The following PLXDC1 variants were observed in gnomAD, a reference collection of about 807,000 sequenced individuals.
PLXDC1 encodes plexin domain containing 1.
PLXDC1 carries 39 observed loss-of-function variants against 61.3 expected under a neutral mutation model. The observed-to-expected ratio is 0.64, with a 90% confidence interval of 0.49 to 0.83. The LOEUF is 0.83. PLXDC1 is among the 40% of genes least tolerant of loss of function. PLXDC1 has a pLI of 0.00. For missense variants in PLXDC1, 596 were observed against 666.5 expected, an observed-to-expected ratio of 0.89 and a Z score of 1.17; for synonymous variants, 212 against 254.5, an observed-to-expected ratio of 0.83 and a Z score of 1.59.
intron 2 of PLXDC1, among the ~76,000 whole-genome samples, chr17:39,126,232 T>A (rs1012570900): frequency 6.6e-6 from 1 of 151,986 alleles, no homozygotes; most frequent in Admixed American, 6.6e-5. Flanking sequence ...CCAGCCTGGG[T>A]GACAAGAGTG....
rs563720359 is a variant in PLXDC1, at chr17:39,097,395, G to T, written c.811+8459C>A. Among the ~76,000 whole-genome samples the T allele has an allele frequency of 1.6e-4, 25 of 152,234 alleles. No individual in the cohort carries two copies. In the South Asian group the frequency reaches 5.0e-3, roughly 30 times the overall value. ...CATTTGGGGTTTACTATTACCTGCA[G>T]CTCAACCTAATCCAAACAAATTCCC... is the stretch of plus-strand genomic sequence containing the variant. On this transcript the variant is annotated intron_variant, in intron 7 of 13. Coordinates refer to ENST00000315392, the MANE Select transcript of PLXDC1 (RefSeq NM_020405.5).
intron 1 of PLXDC1, chr17:39,144,866 T>C (rs919161166): frequency 6.6e-6 from 1 of 152,218 alleles, no homozygotes; most frequent in Non-Finnish European, 1.5e-5. Context: ...GTAATAAAAA[T>C]GATAGCTGAC....
chr17:39,068,325 C>T (rs1228604462), intron 13 of PLXDC1, among the ~76,000 whole-genome samples: 1 of 152,134 alleles, frequency 6.6e-6, no homozygotes, highest in African/African-American at 2.4e-5. Context: ...CTGAAAATGC[C>T]AAGATAACCC....
chr17:39,139,666 C>G lies in PLXDC1; in HGVS notation c.243G>C (p.Arg81Ser), dbSNP rs1911868123. The G allele has an allele frequency of 6.2e-7, 1 of 1,610,990 alleles. No individual in the cohort carries two copies. ...CTCCAGCACTCACCACCACCCTGGTCCTGTTATCTGGCAGCGTGTCCATGG... is the reference window on the plus strand; with the variant it reads ...CTCCAGCACTCACCACCACCCTGGTGCTGTTATCTGGCAGCGTGTCCATGG... Reference protein sequence around the residue: ...TLAMDTLPDNRTRVVEDNHSY... With the variant: ...TLAMDTLPDNSTRVVEDNHSY... Residue 81 changes from arginine to serine, a missense_variant, in exon 2 of 14, where the codon AGG becomes AGC. By Grantham distance (110) the Arg-to-Ser change is moderately radical. Transcript: ENST00000315392.
chr17:39,079,473 ACTG>A (rs1909470735), intron 9 of PLXDC1: 6 of 493,448 alleles, frequency 1.2e-5, no homozygotes, highest in Non-Finnish European at 2.4e-5. Flanking sequence ...CTGCCGTGAC[ACTG>A]CTGAGAATCC....
At chr17:39,100,089 G>A (rs1910367741) in intron 7 of PLXDC1, among the ~76,000 whole-genome samples, 1 of 152,182 alleles carries the variant, frequency 6.6e-6, no homozygotes, top group Non-Finnish European at 1.5e-5. Flanking sequence ...AGTTTACCAG[G>A]CAAGGAGCCA....
chr17:39,128,175 A>ATATATATG (rs1567769682), intron 2 of PLXDC1, among the ~76,000 whole-genome samples: 16 of 60,402 alleles, frequency 2.6e-4, no homozygotes, highest in Non-Finnish European at 4.8e-4. Flanking sequence ...ATATATATGT[A>ATATATATG]TATATATATG....
intron 2 of PLXDC1, chr17:39,111,987 T>A (rs534034780): frequency 6.6e-6 from 1 of 152,336 alleles, no homozygotes; most frequent in African/African-American, 2.4e-5. Context: ...CCTTTCCCCA[T>A]CCTCCAGGAG....
intron 11 of PLXDC1, among the ~76,000 whole-genome samples, chr17:39,077,029 G>A (rs1261447696): frequency 2.0e-5 from 3 of 151,996 alleles, no homozygotes; most frequent in African/African-American, 4.8e-5. Context: ...CACCGCGCCC[G>A]GCCAATTTTT....
At chr17:39,070,735 T>G (rs1039967061) in intron 12 of PLXDC1, among the ~76,000 whole-genome samples, 6 of 152,132 alleles carry the variant, frequency 3.9e-5, no homozygotes, top group Non-Finnish European at 7.4e-5. Context: ...CCCAGCACTT[T>G]AGGAGGCCGA....
chr17:39,102,744 A>ACACACACACACACACACT (rs1491541593), intron 7 of PLXDC1, among the ~76,000 whole-genome samples: 1 of 92,764 alleles, frequency 1.1e-5, no homozygotes, highest in African/African-American at 4.5e-5. Flanking sequence ...ACACACACTC[A>ACACACACACACACACACT]CTCACCTGAA....
intron 2 of PLXDC1, among the ~76,000 whole-genome samples, chr17:39,135,275 C>T (rs939724626): frequency 7.2e-5 from 11 of 152,186 alleles, no homozygotes; most frequent in Non-Finnish European, 1.3e-4. Flanking sequence ...TGTGGACCCT[C>T]GATGTGTAGC....
intron 2 of PLXDC1, among the ~76,000 whole-genome samples, chr17:39,128,087 CTCTCTATGTGTATATATATATATA>C (rs1911374083): frequency 5.9e-5 from 4 of 67,238 alleles, no homozygotes; most frequent in Admixed American, 4.4e-4. Flanking sequence ...CTCTCTCTCT[CTCTCTATGTGTATATATATATATA>C]TATGTATATA....
At chr17:39,086,114 C>A (rs1909729997) in intron 8 of PLXDC1, among the ~76,000 whole-genome samples, 1 of 151,888 alleles carries the variant, frequency 6.6e-6, no homozygotes, top group Non-Finnish European at 1.5e-5. Flanking sequence ...ACTGCTTCCA[C>A]CCAGGCAGTC....
chr17:39,087,797 C>G, intron 7 of PLXDC1, 95 bp from the exon 8 acceptor site: 1 of 835,388 alleles, frequency 1.2e-6, no homozygotes, highest in Non-Finnish European at 2.0e-6. Flanking sequence ...GCCTGCTGCA[C>G]TGAAGGCAGT....
chr17:39,134,559 G>A (rs995279710), intron 2 of PLXDC1, among the ~76,000 whole-genome samples: 1 of 150,568 alleles, frequency 6.6e-6, no homozygotes, highest in Admixed American at 6.6e-5. Context: ...CCGGGAGGCA[G>A]AGGTTGCAGT....
At chr17:39,141,679 T>C (rs1258622444) in intron 1 of PLXDC1, among the ~76,000 whole-genome samples, 1 of 152,226 alleles carries the variant, frequency 6.6e-6, no homozygotes, top group African/African-American at 2.4e-5. Context: ...GATTGTATGG[T>C]AATTCTATTT....
rs571872524 is a variant in PLXDC1 at position 39,079,131 on chromosome 17, C to T, written c.1023G>A (p.Glu341=). The T allele has an allele frequency of 8.7e-6, 14 of 1,613,880 alleles. No individual in the cohort carries two copies. The highest frequency in any genetic ancestry group is 1.2e-5 in the Non-Finnish European group (14 of 1,179,904). ...CSSGFDRYRQ[E]WMDYGCAQEA... ...CCTGTGCACAGCCATAGTCCATCCACTCCTGGCGATAGCGGTCAAAGCCAC... is the reference window on the plus strand; with the variant it reads ...CCTGTGCACAGCCATAGTCCATCCATTCCTGGCGATAGCGGTCAAAGCCAC... The change falls in exon 10 of 14, where the codon GAG becomes GAA. Residue 341 remains glutamate, a synonymous_variant. Transcript: ENST00000315392.
At chr17:39,080,810 C>CAGAG (rs1909529317) in intron 9 of PLXDC1, 2 of 152,286 alleles carry the variant, frequency 1.3e-5, no homozygotes, top group African/African-American at 4.8e-5. Flanking sequence ...TGCACACAGT[C>CAGAG]AGAGGCCTTG....
Sources: gnomAD v4.1 joint callset for allele counts (sites outside exome capture counted in the v4.1 genomes callset) on GRCh38, gnomAD v4.1.1 for gene constraint, MANE v1.5 for transcripts, NCBI Gene and HGNC (gene_info 2026-07-23, HGNC 2026-07-21) for gene names.